The following SNF8 variants were observed in gnomAD, a reference collection of about 807,000 sequenced individuals.
The protein encoded by SNF8 is vacuolar-sorting protein SNF8.
A neutral mutation model predicts 36.8 loss-of-function variants in SNF8; 19 were observed. The observed-to-expected ratio is 0.52, with a 90% CI of 0.36 to 0.76. The LOEUF (loss-of-function observed/expected upper bound fraction) is 0.76. Among genes scored for constraint, SNF8 ranks in the 30% least tolerant of loss-of-function variants. The pLI, the probability that SNF8 is intolerant of heterozygous loss-of-function variation, is 0.00. For synonymous variants in SNF8, 127 were observed against 127.4 expected (o/e 1.00, Z 0.02); for missense variants, 268 against 322.9 (o/e 0.83, Z 1.30).
At chr17:48,943,669 T>C (rs1362640285) in intron 2 of SNF8, among the ~76,000 whole-genome samples, 1 of 152,070 alleles carries the variant, frequency 6.6e-6, no homozygotes, top group Non-Finnish European at 1.5e-5. Context: ...TATGGGACTG[T>C]AATGAGGATT....
intron 1 of SNF8, 33 bp from the exon 2 acceptor site, chr17:48,944,008 G>T (rs1339288838): frequency 6.2e-7 from 1 of 1,610,312 alleles, no homozygotes; most frequent in Admixed American, 1.7e-5. Flanking sequence ...TAAGTTAAGA[G>T]AGTGGGCGCT....
chr17:48,937,277 T>A, intron 3 of SNF8, 153 bp from the exon 4 acceptor site: 1 of 712,402 alleles, frequency 1.4e-6, no homozygotes, highest in Non-Finnish European at 2.5e-6. Flanking sequence ...ACAATCGGAC[T>A]CACGGTAACT....
At chr17:48,939,458 CTTT>C (rs528890224) in intron 3 of SNF8, among the ~76,000 whole-genome samples, 5 of 132,664 alleles carry the variant, frequency 3.8e-5, no homozygotes, top group Admixed American at 7.8e-5. Context: ...TTAGTAATTT[CTTT>C]TTTTTTTTTT....
chr17:48,939,523 G>A (rs2040989639), intron 3 of SNF8, among the ~76,000 whole-genome samples: 2 of 149,192 alleles, frequency 1.3e-5, no homozygotes, highest in African/African-American at 2.5e-5. Flanking sequence ...GCAGGGGCGC[G>A]ACCTTGGCTC....
At chr17:48,934,984 T>C (rs1211250571) in intron 5 of SNF8, among the ~76,000 whole-genome samples, 1 of 152,182 alleles carries the variant, frequency 6.6e-6, no homozygotes, top group Non-Finnish European at 1.5e-5. Flanking sequence ...GAGAACTAGA[T>C]CAATTTATAT....
chr17:48,937,122 C>T lies in SNF8; in HGVS notation c.247G>A (p.Gly83Arg). The stretch of plus-strand genomic sequence containing the variant: ...AGCATCTCAGACCAAAATCCTTTTC[C>T]AGCTACAAGACAGAAAAACAAAATC... ...ATIGVDPLAS[G>R]KGFWSEMLGV... The change falls in exon 4 of 8, where the codon GGA becomes AGA. Residue 83 changes from glycine (G) to arginine (R), a missense_variant and splice_region_variant. Physicochemically the swap from Gly to Arg is moderately radical, Grantham distance 125 (BLOSUM62 -2). Transcript: ENST00000502492. 1.9e-6 allele frequency: 3 copies of T among 1,611,938 alleles called. No individual in the cohort carries two copies. Among genetic ancestry groups the T allele is most frequent in the Non-Finnish European group, 2.5e-6 (3 of 1,178,028 alleles).
rs59445943 is a variant in SNF8, at chr17:48,933,173, G to A, written c.564+32C>T. 2.5e-3 allele frequency: 4,075 copies of A among 1,603,092 alleles called. 102 individuals carry two copies. The African/African-American group carries it at 0.048, about 19-fold the overall frequency. ...AGACTTGCCTCACAGACTGTCCCTT[G>A]CACACACACACACTCGAAGGTGCAC... is the stretch of plus-strand genomic sequence containing the variant. On this transcript the variant is annotated intron_variant, in intron 6 of 7. Coordinates refer to ENST00000502492, the MANE Select transcript of SNF8 (RefSeq NM_007241.4).
rs145818052 is a variant in SNF8 at position 48,930,563 on chromosome 17, C to T, written c.689G>A (p.Gly230Glu). 4.3e-6 allele frequency: 7 copies of T among 1,613,642 alleles called. No individual in the cohort carries two copies. Among genetic ancestry groups the T allele is most frequent in the Non-Finnish European group, 5.9e-6 (7 of 1,179,972 alleles). ...AGCTGGCAGCCAGTAGTGGGCCTCC[C>T]CTGGGGCCTGTAAGTCCAGCCACGC... is the stretch of plus-strand genomic sequence containing the variant. ...GLAWLDLQAP[G>E]EAHYWLPALF... The change falls in exon 8 of 8, where the codon GGG (glycine) becomes GAG (glutamate). Residue 230 changes from glycine (G) to glutamate (E), a missense_variant. Physicochemically the swap from Gly to Glu is moderately conservative, Grantham distance 98 (BLOSUM62 -2). Coordinates refer to ENST00000502492, the MANE Select transcript of SNF8 (RefSeq NM_007241.4).
chr17:48,942,325 G>A (rs1361983969), intron 2 of SNF8, among the ~76,000 whole-genome samples: 37 of 129,212 alleles, frequency 2.9e-4, no homozygotes, highest in Non-Finnish European at 7.9e-5. Flanking sequence ...CAACAAGAGC[G>A]AAACTTGGTC....
Position 48,944,825 on chromosome 17 carries a change from G to T in SNF8, c.-91C>A. On this transcript the variant is annotated 5_prime_UTR_variant, in exon 1 of 8. It introduces an in-frame stop codon into an upstream open reading frame of the 5' UTR. Coordinates refer to ENST00000502492, the MANE Select transcript of SNF8 (RefSeq NM_007241.4). ...CGCCGGCTCCCCAAGGCGGAAGCCCGAGCCGCGCGTCATCTGCACGCGCCG... is the reference window on the plus strand; with the variant it reads ...CGCCGGCTCCCCAAGGCGGAAGCCCTAGCCGCGCGTCATCTGCACGCGCCG... The T allele has an allele frequency of 7.1e-7, 1 of 1,404,116 alleles. No individual in the cohort carries two copies. The highest frequency in any genetic ancestry group is 1.6e-5 in the South Asian group (1 of 63,492). 87.0% of individuals were successfully genotyped at this position (1,404,116 alleles called of 1,614,324 possible). A position where few individuals can be genotyped will look rare whatever the true frequency, so the allele number is the denominator to read the frequency against.
chr17:48,931,825 C>T, intron 6 of SNF8, 108 bp from the exon 7 acceptor site: 1 of 785,810 alleles, frequency 1.3e-6, no homozygotes, highest in Non-Finnish European at 2.1e-6. Context: ...GAAAAGCTGT[C>T]AAGCATGAGA....
intron 7 of SNF8, 151 bp from the exon 8 acceptor site, chr17:48,930,763 C>CA: frequency 2.5e-6 from 2 of 800,908 alleles, no homozygotes; most frequent in Non-Finnish European, 3.8e-6. Flanking sequence ...ACCAACTAAA[C>CA]GAGCTGTTTG....
In SNF8 at chr17:48,930,586, C is replaced by T. The variant is rs368197830; in HGVS notation, c.666G>A (p.Ala222=). ...CCCCTGGGGCCTGTAAGTCCAGCCA[C>T]GCCAACCCTTCCTTCAGCAGGTGTT... The part of the protein sequence containing the change: ...VLEHLLKEGL[A]WLDLQAPGEA... The change falls in exon 8 of 8, where the codon GCG becomes GCA. Residue 222 remains alanine, a synonymous_variant. Transcript: ENST00000502492. 19 of 1,613,700 alleles carry T rather than the reference C, an allele frequency of 1.2e-5. No homozygotes were observed. Among genetic ancestry groups the T allele is most frequent in the East Asian group, 4.5e-5 (2 of 44,900 alleles).
rs869207502 is a variant in SNF8 at position 48,934,315 on chromosome 17, CT to C, written c.423-970del. On this transcript the variant is annotated intron_variant, in intron 5 of 7. Coordinates refer to ENST00000502492, the MANE Select transcript of SNF8 (RefSeq NM_007241.4). The stretch of plus-strand genomic sequence containing the variant: ...CTAGTAATCTTTTGTTATCACTTTC[CT>C]TTTTTTTTTTTTTAGGAGATGAGGT... 3.9e-3 allele frequency among the ~76,000 whole-genome samples: 563 copies of C among 142,538 alleles called. 1 individual carries two copies. Among genetic ancestry groups the C allele is most frequent in the Middle Eastern group, 3.6e-3 (1 of 276 alleles). The allele number at this position is 142,538 out of a possible 152,430, so 93.5% of individuals were successfully genotyped here. A position where few individuals can be genotyped will look rare whatever the true frequency, so the allele number is the denominator to read the frequency against.
In SNF8 at chr17:48,930,366, A is replaced by T; in HGVS notation, c.*109T>A. 1 of 1,259,754 alleles carries T rather than the reference A, an allele frequency of 7.9e-7. No individual in the cohort carries two copies. The highest frequency in any genetic ancestry group is 1.0e-6 in the Non-Finnish European group (1 of 964,002). The allele number at this position is 1,259,754 out of a possible 1,614,324, so 78.0% of individuals were successfully genotyped here. On this transcript the variant is annotated 3_prime_UTR_variant, in exon 8 of 8. Coordinates refer to ENST00000502492, the MANE Select transcript of SNF8 (RefSeq NM_007241.4). Reference sequence around the variant, plus strand: ...CAAAAATAAAAGAATGAGGGAAGAAAGAAAAACTTGGAACTTTTTTTCTAT... The same window carrying T: ...CAAAAATAAAAGAATGAGGGAAGAATGAAAAACTTGGAACTTTTTTTCTAT...
At chr17:48,937,401 G>A in intron 3 of SNF8, 1 of 505,774 alleles carries the variant, frequency 2.0e-6, no homozygotes, top group Non-Finnish European at 3.8e-6. Flanking sequence ...ATCGAGCTAG[G>A]TGGATCGCTC....
At position 48,943,922 on chromosome 17, in the gene SNF8, T is replaced by G. The variant is rs769949867; in HGVS notation, c.105+3A>C. 7 of 1,613,494 alleles carry G rather than the reference T, an allele frequency of 4.3e-6. No homozygotes were observed. The highest frequency in any genetic ancestry group is 5.9e-6 in the Non-Finnish European group (7 of 1,179,660). On this transcript the variant is annotated splice_donor_region_variant and intron_variant, in intron 2 of 7. Coordinates refer to ENST00000502492, the MANE Select transcript of SNF8 (RefSeq NM_007241.4). ...CCTGCCTGGGGCCCCCCAACCGACT[T>G]ACCTGGGCTAGCTGGTCCTCAGCCA...
rs2040933755 is a variant in SNF8 at position 48,936,331 on chromosome 17, T to C, written c.350-89A>G. 3 of 976,726 alleles carry C rather than the reference T, an allele frequency of 3.1e-6. No homozygotes were observed. In the African/African-American group the frequency reaches 4.9e-5, roughly 16 times the overall value. The allele number at this position is 976,726 out of a possible 1,614,324, so 60.5% of individuals were successfully genotyped here. On this transcript the variant is annotated intron_variant, in intron 4 of 7. Transcript: ENST00000502492. Reference sequence around the variant, plus strand: ...CATTACAATTCCAGTGGCCTACAAGTAGCAAATAACATTCTAGTTCCTAAT... The same window carrying C: ...CATTACAATTCCAGTGGCCTACAAGCAGCAAATAACATTCTAGTTCCTAAT...
At chr17:48,941,687 A>T (rs56080003) in intron 2 of SNF8, among the ~76,000 whole-genome samples, 62,017 of 149,494 alleles carry the variant, frequency 0.41, 15,190 homozygotes, top group East Asian at 0.71. Flanking sequence ...ATCAATCAAT[A>T]TTTTTTTTTT....
Sources: allele counts gnomAD v4.1 joint callset (sites outside exome capture counted in the v4.1 genomes callset), GRCh38; gene constraint gnomAD v4.1.1; transcripts MANE v1.5; gene names NCBI Gene and HGNC (gene_info 2026-07-23, HGNC 2026-07-21).